Variants in COL13A1 observed in about 807,000 individuals in gnomAD.
The protein encoded by COL13A1 is collagen type XIII alpha 1 chain, also known as collagen alpha-1(XIII) chain.
Under a neutral mutation model 130.9 loss-of-function variants are expected in COL13A1, and 89 were observed. The observed-to-expected ratio is 0.68, with a 90% CI of 0.57 to 0.81. COL13A1 has a LOEUF of 0.81. Among genes scored for constraint, COL13A1 ranks in the 30% least tolerant of loss-of-function variants. The pLI is 0.00. For missense variants in COL13A1, 879 were observed against 934.6 expected (o/e 0.94, Z 0.78); for synonymous variants, 402 against 341.6 (o/e 1.18, Z -1.95).
At chr10:69,846,320 G>A (rs939265609) in intron 2 of COL13A1, among the ~76,000 whole-genome samples, 12 of 152,094 alleles carry the variant, frequency 7.9e-5, no homozygotes, top group African/African-American at 2.4e-4. Context: ...AACAGGAAGG[G>A]CCTCTGCCTC....
chr10:69,867,207 G>A (rs759911395), intron 2 of COL13A1, among the ~76,000 whole-genome samples: 5 of 152,230 alleles, frequency 3.3e-5, no homozygotes, highest in African/African-American at 4.8e-5. Flanking sequence ...GCCGGAGCCC[G>A]AGAGGGGGCT....
intron 2 of COL13A1, among the ~76,000 whole-genome samples, chr10:69,849,129 T>G (rs1382274506): frequency 6.6e-6 from 1 of 152,242 alleles, no homozygotes; most frequent in African/African-American, 2.4e-5. Context: ...TGTCTTAGAA[T>G]TTTCAAAGGT....
At chr10:69,819,429 A>G (rs1466548431) in intron 1 of COL13A1, among the ~76,000 whole-genome samples, 1 of 152,158 alleles carries the variant, frequency 6.6e-6, no homozygotes, top group African/African-American at 2.4e-5. Context: ...TGAGGGAAGC[A>G]GTTGGGCAGA....
At chr10:69,946,013 T>C (rs1178266257) in intron 37 of COL13A1, among the ~76,000 whole-genome samples, 1 of 148,968 alleles carries the variant, frequency 6.7e-6, no homozygotes, top group East Asian at 2.0e-4. Context: ...GAGGTTGCAG[T>C]GAGCCGAGAT....
At chr10:69,957,661 T>C (rs934772198) in intron 40 of COL13A1, among the ~76,000 whole-genome samples, 1 of 152,216 alleles carries the variant, frequency 6.6e-6, no homozygotes, top group African/African-American at 2.4e-5. Flanking sequence ...ACTGTGCCCT[T>C]GCATGTGATC....
At chr10:69,935,141 C>T (rs2066659234) in intron 31 of COL13A1, among the ~76,000 whole-genome samples, 1 of 151,800 alleles carries the variant, frequency 6.6e-6, no homozygotes, top group South Asian at 2.1e-4. Context: ...TGGAAATTTG[C>T]TTTTTCAACA....
chr10:69,810,764 C>T (rs1170807649), intron 1 of COL13A1, among the ~76,000 whole-genome samples: 12 of 152,184 alleles, frequency 7.9e-5, no homozygotes, highest in African/African-American at 1.7e-4. Flanking sequence ...TCACCAGCTG[C>T]GCTGGGTGTT....
chr10:69,867,503 C>T (rs1014867327), intron 2 of COL13A1, among the ~76,000 whole-genome samples: 2 of 152,200 alleles, frequency 1.3e-5, no homozygotes, highest in Non-Finnish European at 2.9e-5. Flanking sequence ...AGGCAGGTCC[C>T]GTAGAGCCCG....
intron 17 of COL13A1, among the ~76,000 whole-genome samples, chr10:69,913,918 C>T (rs1313262686): frequency 3.3e-5 from 5 of 151,956 alleles, no homozygotes; most frequent in African/African-American, 1.2e-4. Context: ...GGGTCACTTG[C>T]GAAATTAAGA....
chr10:69,896,648 C>T lies in COL13A1; in HGVS notation c.684+1072C>T, dbSNP rs114659826. Among the ~76,000 whole-genome samples the T allele has an allele frequency of 4.3e-3, 655 of 152,310 alleles. 3 individuals are homozygous for T. The highest frequency in any genetic ancestry group is 0.015 in the African/African-American group (635 of 41,564). ...AATGCTAGCAGGGCCTAGCCTCTGC[C>T]CAGACCCTCAGGAAGCTGGAAGGCA... On this transcript the variant is annotated intron_variant, in intron 13 of 40. Coordinates refer to ENST00000645393, the MANE Select transcript of COL13A1 (RefSeq NM_001368882.1).
chr10:69,839,635 T>A (rs1046700489), intron 2 of COL13A1, among the ~76,000 whole-genome samples: 13 of 152,140 alleles, frequency 8.5e-5, no homozygotes, highest in African/African-American at 2.7e-4. Flanking sequence ...AGAGTGTCCA[T>A]GAGATAAATT....
chr10:69,937,591 G>A, intron 33 of COL13A1, 44 bp from the exon 34 acceptor site: 1 of 918,230 alleles, frequency 1.1e-6, no homozygotes, highest in Non-Finnish European at 1.8e-6. Flanking sequence ...GAATTGTCTG[G>A]GACATGTCCT....
At chr10:69,857,927 C>T (rs943561523) in intron 2 of COL13A1, among the ~76,000 whole-genome samples, 15 of 107,182 alleles carry the variant, frequency 1.4e-4, no homozygotes, top group Non-Finnish European at 1.9e-4. Flanking sequence ...ACCAGCCTGG[C>T]CAATATGGTG....
At chr10:69,933,255 C>T (rs945181108) in intron 31 of COL13A1, among the ~76,000 whole-genome samples, 18 of 149,754 alleles carry the variant, frequency 1.2e-4, no homozygotes, top group African/African-American at 4.2e-4. Flanking sequence ...TCCCAAAAGA[C>T]TTTCTATTTG....
At chr10:69,859,363 C>G (rs1033230662) in intron 2 of COL13A1, among the ~76,000 whole-genome samples, 2 of 152,210 alleles carry the variant, frequency 1.3e-5, no homozygotes, top group African/African-American at 4.8e-5. Context: ...CAAAGCAAGA[C>G]CTATGAAGCC....
rs1335050547 is a variant in COL13A1 at position 69,875,113 on chromosome 10, C to T, written c.400-15C>T. 1 of 1,613,994 alleles carries T rather than the reference C, an allele frequency of 6.2e-7. No homozygotes were observed. Among genetic ancestry groups the T allele is most frequent in the East Asian group, 2.2e-5 (1 of 44,888 alleles). ...TCCAACCACATCTGACTGTTTCTGC[C>T]TCCTTCATCATCAGGGGGACAAAGG... On this transcript the variant is annotated splice_polypyrimidine_tract_variant and intron_variant, in intron 4 of 40. Coordinates refer to ENST00000645393, the MANE Select transcript of COL13A1 (RefSeq NM_001368882.1).
At chr10:69,828,423 C>A (rs1296111786) in intron 2 of COL13A1, among the ~76,000 whole-genome samples, 1 of 152,192 alleles carries the variant, frequency 6.6e-6, no homozygotes, top group Non-Finnish European at 1.5e-5. Context: ...GTCAACTCCA[C>A]TCCTCTGCTC....
intron 1 of COL13A1, among the ~76,000 whole-genome samples, chr10:69,813,050 A>G (rs1843458524): frequency 1.3e-5 from 2 of 152,226 alleles, no homozygotes; most frequent in South Asian, 2.1e-4. Flanking sequence ...TATCAACTTC[A>G]TGGGAGCAGC....
chr10:69,923,040 A>G (rs1412783677), intron 23 of COL13A1, among the ~76,000 whole-genome samples: 1 of 152,198 alleles, frequency 6.6e-6, no homozygotes, highest in Admixed American at 6.5e-5. Flanking sequence ...CCAGTGATTC[A>G]GATGACTCTG....
Sources: allele counts gnomAD v4.1 joint callset (sites outside exome capture counted in the v4.1 genomes callset), GRCh38; gene constraint gnomAD v4.1.1; transcripts MANE v1.5; gene names NCBI Gene and HGNC (gene_info 2026-07-23, HGNC 2026-07-21).